RIMS1: variants seen among roughly 807,000 people sequenced by gnomAD.
RIMS1 encodes regulating synaptic membrane exocytosis 1, also known as regulating synaptic membrane exocytosis protein 1.
A neutral mutation model predicts 214.1 loss-of-function variants in RIMS1; 83 were observed. That is an observed-to-expected ratio of 0.39 (90% CI 0.32 to 0.47). RIMS1 has a LOEUF of 0.47. RIMS1 is among the 20% of genes least tolerant of loss of function. The pLI is 0.99. For synonymous variants in RIMS1, 793 were observed against 786.8 expected (o/e 1.01, Z -0.13); for missense variants, 2,050 against 2,161.8 (o/e 0.95, Z 1.03).
chr6:72,147,550 C>T (rs2153894829), intron 4 of RIMS1, among the ~76,000 whole-genome samples: 1 of 152,224 alleles, frequency 6.6e-6, no homozygotes, highest in East Asian at 1.9e-4. Flanking sequence ...CCAAGGAGTC[C>T]CAGGCTATCA....
Position 72,077,794 on chromosome 6 carries a change from G to A in RIMS1, c.246-19155G>A, listed in dbSNP as rs780736114. 2.4e-4 allele frequency among the ~76,000 whole-genome samples: 37 copies of A among 152,312 alleles called. No homozygotes were observed. In the Middle Eastern group the frequency reaches 0.01, roughly 42 times the overall value. ...TAGATGGACTAATTCACTTATTCAT[G>A]ATCACTCAGCAAATCACTGGCAGAG... is the stretch of plus-strand genomic sequence containing the variant. On this transcript the variant is annotated intron_variant, in intron 2 of 33. Coordinates refer to ENST00000521978, the MANE Select transcript of RIMS1 (RefSeq NM_014989.7).
At chr6:72,013,692 C>A (rs1246270398) in intron 2 of RIMS1, among the ~76,000 whole-genome samples, 1 of 152,174 alleles carries the variant, frequency 6.6e-6, no homozygotes, top group African/African-American at 2.4e-5. Context: ...AAAGCTTAAA[C>A]TGAGTAGTCT....
At chr6:72,317,314 T>C (rs1593216093) in intron 28 of RIMS1, 2 of 264,454 alleles carry the variant, frequency 7.6e-6, no homozygotes, top group East Asian at 1.6e-4. Flanking sequence ...CAGGGCTGTG[T>C]TCTGCCACCA....
intron 6 of RIMS1, among the ~76,000 whole-genome samples, chr6:72,211,526 G>A (rs1010909558): frequency 1.3e-5 from 2 of 152,124 alleles, no homozygotes; most frequent in African/African-American, 2.4e-5. Context: ...GCTTTTGAAA[G>A]TACTTTGGAA....
At chr6:72,354,413 G>T (rs571293257) in intron 29 of RIMS1, among the ~76,000 whole-genome samples, 2 of 151,648 alleles carry the variant, frequency 1.3e-5, no homozygotes, top group South Asian at 4.1e-4. Flanking sequence ...TACATAAAAG[G>T]TATATATATT....
chr6:72,083,549 G>A (rs997678339), intron 2 of RIMS1, among the ~76,000 whole-genome samples: 3 of 152,062 alleles, frequency 2.0e-5, no homozygotes, highest in Non-Finnish European at 4.4e-5. Context: ...CACTCATACT[G>A]ATCCCCATCT....
chr6:72,179,230 A>G (rs529027860), intron 4 of RIMS1, among the ~76,000 whole-genome samples: 4 of 151,962 alleles, frequency 2.6e-5, no homozygotes, highest in Non-Finnish European at 5.9e-5. Context: ...ACATTTTTCT[A>G]ATCAGTTAAC....
intron 2 of RIMS1, among the ~76,000 whole-genome samples, chr6:72,010,020 A>C (rs1048532905): frequency 6.6e-6 from 1 of 152,086 alleles, no homozygotes; most frequent in African/African-American, 2.4e-5. Flanking sequence ...GAGACACAAC[A>C]ACAACAAAAA....
At chr6:72,159,923 C>G (rs9885768) in intron 4 of RIMS1, among the ~76,000 whole-genome samples, 37,464 of 138,406 alleles carry the variant, frequency 0.27, 9,942 homozygotes, top group Non-Finnish European at 0.35. Flanking sequence ...CCAATTCTGT[C>G]AAGAAAGTCG....
At chr6:71,998,456 CTGTT>C (rs1303028850) in intron 2 of RIMS1, among the ~76,000 whole-genome samples, 2 of 152,036 alleles carry the variant, frequency 1.3e-5, no homozygotes, top group East Asian at 1.9e-4. Context: ...AGTTGTGAAT[CTGTT>C]TGTTTATGGC....
chr6:72,006,610 C>G (rs368645839), intron 2 of RIMS1, among the ~76,000 whole-genome samples: 3 of 152,288 alleles, frequency 2.0e-5, no homozygotes, highest in African/African-American at 7.2e-5. Context: ...CCTGGAAAAT[C>G]GGGTCACTCC....
At chr6:72,004,825 G>A (rs1806793679) in intron 2 of RIMS1, among the ~76,000 whole-genome samples, 1 of 151,388 alleles carries the variant, frequency 6.6e-6, no homozygotes, top group Admixed American at 6.6e-5. Context: ...TAGGTTGCCT[G>A]TTCACTCTGA....
intron 29 of RIMS1, among the ~76,000 whole-genome samples, chr6:72,358,198 C>G (rs10485034): frequency 0.19 from 29,129 of 151,780 alleles, 3,479 homozygotes; most frequent in South Asian, 0.27. Context: ...AGATTAGAAG[C>G]ATAGGTACTG....
intron 2 of RIMS1, among the ~76,000 whole-genome samples, chr6:72,054,218 G>C (rs1312632318): frequency 1.3e-5 from 2 of 151,998 alleles, no homozygotes; most frequent in African/African-American, 4.8e-5. Context: ...GAGGTTGATG[G>C]CTTCCTGTTT....
At chr6:71,912,896 C>A (rs1161777899) in intron 1 of RIMS1, among the ~76,000 whole-genome samples, 4 of 151,994 alleles carry the variant, frequency 2.6e-5, no homozygotes. Context: ...AACAAAAGAC[C>A]AATACCTTTA....
Position 71,969,008 on chromosome 6 carries a change from C to T in RIMS1, c.190C>T (p.Pro64Ser), listed in dbSNP as rs759206263. The change falls in exon 2 of 34, where the codon CCT (proline) becomes TCT (serine). Residue 64 changes from proline to serine, a missense_variant. Around this residue, in one of 6 missense-constraint regions of RIMS1, gnomAD observed 882 missense variants for 828.9 expected, o/e 1.06. Coordinates refer to ENST00000521978, the MANE Select transcript of RIMS1 (RefSeq NM_014989.7). ...GTGTGTTGTCAGGGACATGGCGAAGCCTGCTGCCTGCAAAACACCAAGAAA... is the reference window on the plus strand; with the variant it reads ...GTGTGTTGTCAGGGACATGGCGAAGTCTGCTGCCTGCAAAACACCAAGAAA... ...LKCVVRDMAKPAACKTPRNAE... is the reference protein window; with the variant it reads ...LKCVVRDMAKSAACKTPRNAE... 6.2e-7 allele frequency: 1 copy of T among 1,614,010 alleles called. No homozygotes were observed. Among genetic ancestry groups the T allele is most frequent in the Non-Finnish European group, 8.5e-7 (1 of 1,179,862 alleles).
At chr6:72,163,370 C>T (rs2045759086) in intron 4 of RIMS1, among the ~76,000 whole-genome samples, 1 of 140,632 alleles carries the variant, frequency 7.1e-6, no homozygotes, top group African/African-American at 2.5e-5. Context: ...CATCTGAAGC[C>T]TTCTTCTCTC....
chr6:72,094,198 G>A (rs1210752103), intron 2 of RIMS1, among the ~76,000 whole-genome samples: 1 of 152,080 alleles, frequency 6.6e-6, no homozygotes, highest in Admixed American at 6.6e-5. Context: ...TGTATTGGCT[G>A]CTACAAAGGA....
chr6:72,400,330 G>T (rs2098826544), intron 33 of RIMS1, among the ~76,000 whole-genome samples, 166 bp from the exon 34 acceptor site: 1 of 152,118 alleles, frequency 6.6e-6, no homozygotes, highest in Non-Finnish European at 1.5e-5. Context: ...GCACCTTAAG[G>T]TTAGTGTATC....
Sources: gnomAD v4.1 joint callset for allele counts (sites outside exome capture counted in the v4.1 genomes callset) on GRCh38, gnomAD v4.1.1 for gene constraint, gnomAD v4.1.1 regional missense constraint, MANE v1.5 for transcripts, NCBI Gene and HGNC (gene_info 2026-07-23, HGNC 2026-07-21) for gene names.